BCL2: variants seen among roughly 807,000 people sequenced by gnomAD.
BCL2 encodes the protein apoptosis regulator Bcl-2.
A neutral mutation model predicts 14.2 loss-of-function variants in BCL2; 1 was observed. That is an observed-to-expected ratio of 0.07 (90% CI 0.02 to 0.33). BCL2 has a LOEUF of 0.33. Among genes scored for constraint, BCL2 ranks in the 10% least tolerant of loss-of-function variants. The pLI is 0.99. For synonymous variants in BCL2, 151 were observed against 137.2 expected (o/e 1.10, Z -0.70); for missense variants, 247 against 305.9 (o/e 0.81, Z 1.44).
intron 2 of BCL2, among the ~76,000 whole-genome samples, chr18:63,229,977 A>C (rs1490383502): frequency 6.6e-6 from 1 of 152,128 alleles, no homozygotes; most frequent in Non-Finnish European, 1.5e-5. Context: ...TGACAGCTCA[A>C]GTTTTTTTTT....
chr18:63,156,402 T>C (rs1914783218), intron 2 of BCL2, among the ~76,000 whole-genome samples: 1 of 152,200 alleles, frequency 6.6e-6, no homozygotes, highest in Non-Finnish European at 1.5e-5. Flanking sequence ...GCAGCTTCTC[T>C]GGCCTCTGCC....
chr18:63,128,834 A>G (rs1913986465), intron 2 of BCL2, 75 bp from the exon 3 acceptor site: 1 of 678,998 alleles, frequency 1.5e-6, no homozygotes, highest in Admixed American at 2.1e-5. Flanking sequence ...CCCACAGAGA[A>G]AGAGGCATCC....
chr18:63,132,245 A>G (rs1413403986), intron 2 of BCL2, among the ~76,000 whole-genome samples: 1 of 152,212 alleles, frequency 6.6e-6, no homozygotes, highest in Non-Finnish European at 1.5e-5. Flanking sequence ...TAGCCATAAA[A>G]TTCATTATTG....
chr18:63,299,000 CA>C (rs1912879314), intron 2 of BCL2, among the ~76,000 whole-genome samples: 1 of 152,186 alleles, frequency 6.6e-6, no homozygotes. Flanking sequence ...CCCAGCCACC[CA>C]AACAGCTGTA....
intron 2 of BCL2, among the ~76,000 whole-genome samples, chr18:63,265,850 C>T (rs1355174841): frequency 2.0e-5 from 3 of 151,932 alleles, no homozygotes; most frequent in Non-Finnish European, 2.9e-5. Flanking sequence ...AGATGCATAA[C>T]GACTCATAAC....
chr18:63,153,599 T>C (rs1383962501), intron 2 of BCL2, among the ~76,000 whole-genome samples: 1 of 152,186 alleles, frequency 6.6e-6, no homozygotes, highest in African/African-American at 2.4e-5. Context: ...TCAATACCTG[T>C]ATATTATCAG....
intron 2 of BCL2, among the ~76,000 whole-genome samples, chr18:63,290,717 C>A (rs1348842868): frequency 3.3e-5 from 5 of 152,110 alleles, no homozygotes; most frequent in Admixed American, 6.5e-5. Context: ...TCAGTTCAGG[C>A]TTCACTCAGC....
chr18:63,269,007 G>A (rs966153100), intron 2 of BCL2, among the ~76,000 whole-genome samples: 2 of 151,106 alleles, frequency 1.3e-5, no homozygotes, highest in Admixed American at 1.3e-4. Context: ...GGAGTGCAGT[G>A]GTGTCATCAT....
In BCL2 at chr18:63,315,864, T is replaced by C. The variant is rs1913481531; in HGVS notation, c.585+2218A>G. 2.6e-5 allele frequency: 4 copies of C among 152,194 alleles called. No homozygotes were observed. The South Asian group carries it at 8.3e-4, about 31-fold the overall frequency. 9.4% of individuals were successfully genotyped at this position (152,194 alleles called of 1,614,324 possible). ...CTATGAGTGCATTTCCTGGTATATA[T>C]ATATATTTTTTCTCTAAATTCCTTT... On this transcript the variant is annotated intron_variant, in intron 2 of 2. Coordinates refer to ENST00000333681, the MANE Select transcript of BCL2 (RefSeq NM_000633.3).
At chr18:63,285,091 T>G (rs545723579) in intron 2 of BCL2, among the ~76,000 whole-genome samples, 4 of 152,344 alleles carry the variant, frequency 2.6e-5, no homozygotes, top group Admixed American at 2.6e-4. Context: ...CGCCCACAGC[T>G]GGCTCACCTG....
At chr18:63,211,507 A>G (rs1313383101) in intron 2 of BCL2, among the ~76,000 whole-genome samples, 1 of 152,100 alleles carries the variant, frequency 6.6e-6, no homozygotes, top group Non-Finnish European at 1.5e-5. Context: ...TAAGCTATCT[A>G]TATATTTTTA....
At chr18:63,150,013 T>TGG (rs2144606749) in intron 2 of BCL2, among the ~76,000 whole-genome samples, 1 of 152,296 alleles carries the variant, frequency 6.6e-6, no homozygotes, top group Non-Finnish European at 1.5e-5. Context: ...CCCGAATGGC[T>TGG]GGGATTACAG....
Position 63,128,882 on chromosome 18 carries a change from G to C in BCL2, c.586-123C>G, listed in dbSNP as rs1473694265. On this transcript the variant is annotated intron_variant, in intron 2 of 2. Coordinates refer to ENST00000333681, the MANE Select transcript of BCL2 (RefSeq NM_000633.3). ...CTGGGCACCTTCAGAAGGGTGAGAG[G>C]GGAAAAGGCAAATGCTCTTTGGAGG... 5.1e-6 allele frequency: 3 copies of C among 593,274 alleles called. No homozygotes were observed. The African/African-American group carries it at 5.6e-5, about 11-fold the overall frequency. The allele number at this position is 593,274 out of a possible 1,614,324, so 36.8% of individuals were successfully genotyped here.
rs868435115 is a variant in BCL2 at position 63,318,120 on chromosome 18, G to T, written c.547C>A (p.Arg183=). ...TCCTGGATCCAGGTGTGCAGGTGCCGGTTCAGGTACTCAGTCATCCACAGG... is the reference window on the plus strand; with the variant it reads ...TCCTGGATCCAGGTGTGCAGGTGCCTGTTCAGGTACTCAGTCATCCACAGG... ...IALWMTEYLN[R]HLHTWIQDNG... is the part of the protein sequence containing the mutation. The change falls in exon 2 of 3, where the codon CGG becomes AGG. Residue 183 remains arginine, a synonymous_variant. Transcript: ENST00000333681. The surrounding 1 kb of genome is among the most constrained non-coding windows in gnomAD (Gnocchi z 7.4). 7 of 1,614,052 alleles carry T rather than the reference G, an allele frequency of 4.3e-6. No individual in the cohort carries two copies. The Middle Eastern group carries it at 9.9e-4, about 228-fold the overall frequency.
At chr18:63,183,771 C>T (rs2144644577) in intron 2 of BCL2, among the ~76,000 whole-genome samples, 1 of 152,342 alleles carries the variant, frequency 6.6e-6, no homozygotes, top group South Asian at 2.1e-4. Flanking sequence ...TCTGTAATCA[C>T]ACAGTTTCCA....
intron 2 of BCL2, among the ~76,000 whole-genome samples, chr18:63,173,979 T>C (rs901366142): frequency 6.6e-6 from 1 of 152,194 alleles, no homozygotes; most frequent in Admixed American, 6.5e-5. Context: ...ATGAGGCCCA[T>C]GGCTTTGGAA....
In BCL2 at chr18:63,125,379, C is replaced by G. The variant is rs1913884403; in HGVS notation, c.*3246G>C. 1 of 224,468 alleles carries G rather than the reference C, an allele frequency of 4.5e-6. No homozygotes were observed. The highest frequency in any genetic ancestry group is 8.9e-6 in the Non-Finnish European group (1 of 112,466). The allele number at this position is 224,468 out of a possible 1,614,324, so 13.9% of individuals were successfully genotyped here. On this transcript the variant is annotated 3_prime_UTR_variant, in exon 3 of 3. Transcript: ENST00000333681. ...CGGAGACGACCCGATGGCCATAGAC[C>G]CTGTCAGCTGTCATTCTGGCCTCTC...
intron 2 of BCL2, among the ~76,000 whole-genome samples, chr18:63,301,349 G>A (rs1029587622): frequency 6.6e-6 from 1 of 152,182 alleles, no homozygotes; most frequent in Non-Finnish European, 1.5e-5. Flanking sequence ...TGTGCTGAAA[G>A]CCACTGAACT....
chr18:63,228,845 A>G (rs192783191), intron 2 of BCL2, among the ~76,000 whole-genome samples: 71 of 152,248 alleles, frequency 4.7e-4, no homozygotes, highest in African/African-American at 1.6e-3. Context: ...AGTAGCTGGG[A>G]CTACAGGCAT....
Sources: gnomAD v4.1 joint callset for allele counts (sites outside exome capture counted in the v4.1 genomes callset) on GRCh38, gnomAD v4.1.1 for gene constraint, Gnocchi (gnomAD v3.1) non-coding constraint, MANE v1.5 for transcripts, NCBI Gene and HGNC (gene_info 2026-07-23, HGNC 2026-07-21) for gene names.